RALGAPA2: variants seen among roughly 807,000 people sequenced by gnomAD.
RALGAPA2 encodes the protein Ral GTPase activating protein catalytic subunit alpha 2.
In RALGAPA2, 139 loss-of-function variants were observed where a neutral mutation model predicts 230.4. That is an observed-to-expected ratio of 0.60 (90% CI 0.53 to 0.69). RALGAPA2 has a LOEUF of 0.69. Ranked by LOEUF, RALGAPA2 falls within the 30% of genes least tolerant of loss-of-function variation. RALGAPA2 has a pLI of 0.00. For missense variants in RALGAPA2, 2,163 were observed against 2,276.0 expected (o/e 0.95, Z 1.01); for synonymous variants, 847 against 837.8 (o/e 1.01, Z -0.19).
intron 10 of RALGAPA2, among the ~76,000 whole-genome samples, chr20:20,628,733 T>G (rs545178252): frequency 6.6e-6 from 1 of 152,276 alleles, no homozygotes; most frequent in South Asian, 2.1e-4. Flanking sequence ...GGGAGTAGCA[T>G]CAAACCCAGT....
chr20:20,445,137 G>A (rs1445899620), intron 37 of RALGAPA2, among the ~76,000 whole-genome samples: 1 of 152,212 alleles, frequency 6.6e-6, no homozygotes. Context: ...AGGTATGTAT[G>A]TGTAGGAAAA....
intron 1 of RALGAPA2, among the ~76,000 whole-genome samples, chr20:20,684,971 T>C (rs1308857913): frequency 2.6e-5 from 4 of 152,108 alleles, no homozygotes; most frequent in African/African-American, 9.7e-5. Context: ...ATCAGAAGAA[T>C]ATTTATAAAG....
At chr20:20,494,522 G>A (rs899111190) in intron 36 of RALGAPA2, among the ~76,000 whole-genome samples, 1 of 152,226 alleles carries the variant, frequency 6.6e-6, no homozygotes, top group African/African-American at 2.4e-5. Context: ...TCATTGGATT[G>A]TTCCAGCTCT....
chr20:20,411,345 C>T (rs1415614488), intron 38 of RALGAPA2, among the ~76,000 whole-genome samples: 1 of 152,152 alleles, frequency 6.6e-6, no homozygotes, highest in Non-Finnish European at 1.5e-5. Context: ...AGTGGCAATA[C>T]ATGTATTTTT....
At chr20:20,527,618 T>A (rs1202520798) in intron 27 of RALGAPA2, among the ~76,000 whole-genome samples, 1 of 149,812 alleles carries the variant, frequency 6.7e-6, no homozygotes, top group Non-Finnish European at 1.5e-5. Context: ...CCCCAAGAGC[T>A]GGGTGGTGGC....
intron 3 of RALGAPA2, among the ~76,000 whole-genome samples, chr20:20,675,748 T>C (rs373211612): frequency 1.1e-4 from 17 of 152,170 alleles, no homozygotes; most frequent in East Asian, 7.7e-4. Context: ...GAAAAATATA[T>C]ATCAAAAAAA....
chr20:20,667,708 C>T (rs1304076509), intron 3 of RALGAPA2, among the ~76,000 whole-genome samples: 1 of 152,200 alleles, frequency 6.6e-6, no homozygotes, highest in African/African-American at 2.4e-5. Flanking sequence ...AGACATGGTG[C>T]ATCATCCTGG....
intron 37 of RALGAPA2, among the ~76,000 whole-genome samples, chr20:20,443,653 T>C (rs891329877): frequency 6.6e-6 from 1 of 152,192 alleles, no homozygotes; most frequent in Admixed American, 6.5e-5. Context: ...AGCTTTGTGG[T>C]CAGAATGCCT....
intron 36 of RALGAPA2, among the ~76,000 whole-genome samples, chr20:20,487,686 A>G (rs553042632): frequency 2.6e-5 from 4 of 152,232 alleles, no homozygotes; most frequent in Middle Eastern, 3.4e-3. Flanking sequence ...AGGTGAGTGG[A>G]TCACTTGAGT....
intron 20 of RALGAPA2, 61 bp from the exon 21 acceptor site, chr20:20,573,129 T>C (rs986246929): frequency 7.5e-7 from 1 of 1,328,468 alleles, no homozygotes; most frequent in African/African-American, 1.5e-5. Context: ...ATACCTTTTT[T>C]CTTTAAGGCA....
intron 35 of RALGAPA2, among the ~76,000 whole-genome samples, chr20:20,495,776 A>G (rs1247832460): frequency 2.0e-5 from 3 of 152,220 alleles, no homozygotes; most frequent in Non-Finnish European, 4.4e-5. Flanking sequence ...ACAAACCTTT[A>G]AGAAAAGGAC....
At chr20:20,640,042 T>A (rs1282810283) in intron 6 of RALGAPA2, 142 bp from the exon 7 acceptor site, 2 of 625,322 alleles carry the variant, frequency 3.2e-6, no homozygotes, top group Non-Finnish European at 5.6e-6. Flanking sequence ...TCCAAGGCAG[T>A]GTGCATAAAG....
intron 8 of RALGAPA2, among the ~76,000 whole-genome samples, chr20:20,636,590 A>G (rs564896288): frequency 1.3e-5 from 2 of 151,992 alleles, no homozygotes; most frequent in African/African-American, 4.8e-5. Context: ...GTGTACGCAT[A>G]CATAGAAACA....
intron 27 of RALGAPA2, among the ~76,000 whole-genome samples, chr20:20,530,291 C>T (rs1184698727): frequency 6.6e-6 from 1 of 152,178 alleles, no homozygotes; most frequent in Non-Finnish European, 1.5e-5. Flanking sequence ...GGCTCAGCAC[C>T]CTGCTGTGGC....
At chr20:20,471,630 A>C (rs2061543663) in intron 37 of RALGAPA2, 1 of 152,168 alleles carries the variant, frequency 6.6e-6, no homozygotes, top group Admixed American at 6.5e-5. Context: ...AGTGTTGTGG[A>C]AATCACTGCA....
At chr20:20,407,549 TGAGTTCTAA>T (rs2059972579) in intron 38 of RALGAPA2, among the ~76,000 whole-genome samples, 1 of 152,166 alleles carries the variant, frequency 6.6e-6, no homozygotes, top group Non-Finnish European at 1.5e-5. Flanking sequence ...CAAAGGCTGG[TGAGTTCTAA>T]GAGGAGTTTG....
chr20:20,565,938 G>T (rs1264107730), intron 23 of RALGAPA2, among the ~76,000 whole-genome samples: 1 of 152,142 alleles, frequency 6.6e-6, no homozygotes, highest in East Asian at 1.9e-4. Flanking sequence ...TTCTATGAGG[G>T]TGTTAGATGG....
chr20:20,661,682 A>G (rs922535016), intron 3 of RALGAPA2, among the ~76,000 whole-genome samples: 10 of 152,316 alleles, frequency 6.6e-5, no homozygotes, highest in African/African-American at 1.9e-4. Flanking sequence ...TGGTTACCAC[A>G]CACAAAAAGT....
chr20:20,624,917 T>C (rs535519552), intron 10 of RALGAPA2, among the ~76,000 whole-genome samples: 20 of 152,310 alleles, frequency 1.3e-4, no homozygotes, highest in Non-Finnish European at 2.8e-4. Flanking sequence ...TCCATTGTCA[T>C]AGTTACTCCG....
Sources: gnomAD v4.1 joint callset for allele counts (sites outside exome capture counted in the v4.1 genomes callset) on GRCh38, gnomAD v4.1.1 for gene constraint, MANE v1.5 for transcripts, NCBI Gene and HGNC (gene_info 2026-07-23, HGNC 2026-07-21) for gene names.